The following MYO16 variants were observed in gnomAD, a reference collection of about 807,000 sequenced individuals.
MYO16 encodes unconventional myosin-XVI.
In MYO16, 94 loss-of-function variants were observed where a neutral mutation model predicts 205.3. The observed-to-expected ratio is 0.46, with a 90% CI of 0.39 to 0.54. MYO16 has a LOEUF of 0.54. MYO16 is among the 20% of genes least tolerant of loss of function. The pLI, the probability that MYO16 is intolerant of heterozygous loss-of-function variation, is 0.00. For missense variants in MYO16, 2,315 were observed against 2,387.5 expected, an observed-to-expected ratio of 0.97 and a Z score of 0.63; for synonymous variants, 988 against 954.0, an observed-to-expected ratio of 1.04 and a Z score of -0.66.
At chr13:108,830,809 T>G (rs1427420153) in intron 9 of MYO16, among the ~76,000 whole-genome samples, 1 of 152,162 alleles carries the variant, frequency 6.6e-6, no homozygotes, top group East Asian at 1.9e-4. Context: ...TATCTTATTT[T>G]ATAAAAGCAG....
intron 20 of MYO16, among the ~76,000 whole-genome samples, chr13:108,972,647 G>T (rs2139395185): frequency 6.6e-6 from 1 of 151,366 alleles, no homozygotes. Flanking sequence ...TTAGTGTTTT[G>T]CTCGGGTGTG....
At chr13:108,790,792 A>G (rs896007939) in intron 5 of MYO16, among the ~76,000 whole-genome samples, 6 of 152,210 alleles carry the variant, frequency 3.9e-5, no homozygotes, top group Non-Finnish European at 8.8e-5. Context: ...TTCCCCTGTG[A>G]TGTCTTCACA....
chr13:108,586,887 G>A, the MYO16 span, among the ~76,000 whole-genome samples: 6 of 152,146 alleles, frequency 3.9e-5, no homozygotes, highest in Admixed American at 2.0e-4. Context: ...TCTGAAAAGC[G>A]CCTATTTTCC....
the MYO16 span, among the ~76,000 whole-genome samples, chr13:108,522,792 G>A: frequency 6.6e-6 from 1 of 151,894 alleles, no homozygotes; most frequent in Non-Finnish European, 1.5e-5. Flanking sequence ...GTGTCTGTGT[G>A]TCTGTCTGTC....
At chr13:109,199,211 T>C (rs1880301095) in intron 34 of MYO16, among the ~76,000 whole-genome samples, 1 of 59,684 alleles carries the variant, frequency 1.7e-5, no homozygotes, top group Non-Finnish European at 3.4e-5. Context: ...TATATATATA[T>C]ATATATATAT....
intron 11 of MYO16, among the ~76,000 whole-genome samples, chr13:108,856,607 A>AT (rs1217336669): frequency 1.5e-4 from 23 of 150,930 alleles, no homozygotes; most frequent in Admixed American, 1.4e-3. Flanking sequence ...TTTTTATAAC[A>AT]TTTTTTCATC....
chr13:108,895,171 A>G (rs965301867), intron 14 of MYO16, among the ~76,000 whole-genome samples: 1 of 152,054 alleles, frequency 6.6e-6, no homozygotes, highest in Non-Finnish European at 1.5e-5. Context: ...TTATATAGGG[A>G]CATAAATTTA....
At position 109,052,441 on chromosome 13, in the gene MYO16, T is replaced by C; in HGVS notation, c.3014T>C (p.Ile1005Thr). The part of the protein sequence containing the change: ...LSKKMTASSI[I>T]GENKNYLELS... ...AAGAAAATGACAGCTTCTTCAATTA[T>C]TGGAGAAAACAAGAATTATCTAGAA... Residue 1005 changes from isoleucine to threonine, a missense_variant, in exon 25 of 35, where the codon ATT becomes ACT. By Grantham distance (89) the Ile-to-Thr change is moderately conservative. Coordinates refer to ENST00000457511, the MANE Select transcript of MYO16 (RefSeq NM_001198950.3). 1.9e-6 allele frequency: 3 copies of C among 1,611,414 alleles called. No individual in the cohort carries two copies. Among genetic ancestry groups the C allele is most frequent in the Admixed American group, 1.7e-5 (1 of 59,796 alleles).
chr13:108,993,267 A>T (rs548973350), intron 21 of MYO16, among the ~76,000 whole-genome samples: 4 of 152,266 alleles, frequency 2.6e-5, no homozygotes, highest in Admixed American at 1.3e-4. Flanking sequence ...GACTTTTAGT[A>T]GCGTCGATTT....
At chr13:108,523,102 T>G in the MYO16 span, among the ~76,000 whole-genome samples, 1 of 152,242 alleles carries the variant, frequency 6.6e-6, no homozygotes, top group East Asian at 1.9e-4. Flanking sequence ...CTGGGGTGGA[T>G]GAGGTCTCAT....
Position 108,711,985 on chromosome 13 carries a change from T to C in MYO16, c.293-676T>C, listed in dbSNP as rs141946561. 3.1e-3 allele frequency among the ~76,000 whole-genome samples: 471 copies of C among 152,324 alleles called. 4 individuals carry two copies. The highest frequency in any genetic ancestry group is 0.011 in the African/African-American group (454 of 41,580). On this transcript the variant is annotated intron_variant, in intron 2 of 34. Coordinates refer to ENST00000457511, the MANE Select transcript of MYO16 (RefSeq NM_001198950.3). ...GCTTGTCTTATAGCTTCATTTTAAG[T>C]AGCAGAGAATGGAACACAATCAATC...
intron 4 of MYO16, among the ~76,000 whole-genome samples, chr13:108,750,894 T>C (rs117208346): frequency 2.0e-5 from 3 of 152,236 alleles, no homozygotes; most frequent in East Asian, 1.9e-4. Context: ...AGCTTTCTCA[T>C]TGATGCAGTG....
chr13:109,075,229 G>C (rs886877417), intron 27 of MYO16, among the ~76,000 whole-genome samples: 1 of 152,242 alleles, frequency 6.6e-6, no homozygotes, highest in East Asian at 1.9e-4. Flanking sequence ...AATGGCTAAG[G>C]CATAGCGTTA....
chr13:108,823,286 T>C lies in MYO16; in HGVS notation c.1097+8T>C. The stretch of plus-strand genomic sequence containing the variant: ...CGTACTGTCGAGTAAGCTGTAAGTG[T>C]CTTCCTGCTTATTCTCTTTTGCCAT... On this transcript the variant is annotated splice_region_variant and intron_variant, in intron 9 of 34. Transcript: ENST00000457511. 1 of 1,593,770 alleles carries C rather than the reference T, an allele frequency of 6.3e-7. No homozygotes were observed. The highest frequency in any genetic ancestry group is 8.5e-7 in the Non-Finnish European group (1 of 1,169,896).
the MYO16 span, among the ~76,000 whole-genome samples, chr13:108,571,358 A>G: frequency 1.3e-5 from 2 of 152,118 alleles, no homozygotes; most frequent in Non-Finnish European, 2.9e-5. Flanking sequence ...AATAGAAAAA[A>G]TAATACAAGT....
In MYO16 at chr13:108,716,461, C is replaced by T. The variant is rs76941146; in HGVS notation, c.363+3730C>T. Among the ~76,000 whole-genome samples the T allele has an allele frequency of 6.1e-3, 925 of 152,278 alleles. 5 individuals carry two copies. Among genetic ancestry groups the T allele is most frequent in the Non-Finnish European group, 9.5e-3 (646 of 68,024 alleles). On this transcript the variant is annotated intron_variant, in intron 3 of 34. Coordinates refer to ENST00000457511, the MANE Select transcript of MYO16 (RefSeq NM_001198950.3). ...ATCTGGAGGACGGATAAGGAAACCT[C>T]GTGGCAGCTGAAGGAGGAGGTGCTC...
chr13:108,565,915 T>C, the MYO16 span, among the ~76,000 whole-genome samples: 2 of 152,142 alleles, frequency 1.3e-5, no homozygotes, highest in Non-Finnish European at 2.9e-5. Flanking sequence ...ATCAAATGTA[T>C]TGTTGAATTT....
At chr13:109,010,976 T>TATATATATATA (rs59979915) in intron 22 of MYO16, among the ~76,000 whole-genome samples, 16 of 143,126 alleles carry the variant, frequency 1.1e-4, no homozygotes, top group Admixed American at 1.4e-4. Flanking sequence ...TATATATATA[T>TATATATATATA]TTCTTCACCT....
At chr13:109,115,843 G>A (rs920042897) in intron 28 of MYO16, among the ~76,000 whole-genome samples, 2 of 152,144 alleles carry the variant, frequency 1.3e-5, no homozygotes, top group African/African-American at 4.8e-5. Context: ...ATCAGTGAAA[G>A]TAGAGAACTG....
Sources: gnomAD v4.1 joint callset for allele counts (sites outside exome capture counted in the v4.1 genomes callset) on GRCh38, gnomAD v4.1.1 for gene constraint, MANE v1.5 for transcripts, NCBI Gene and HGNC (gene_info 2026-07-23, HGNC 2026-07-21) for gene names.